The following RAB8B variants were observed in gnomAD, a reference collection of about 807,000 sequenced individuals.
RAB8B encodes the protein RAB8B, member RAS oncogene family.
RAB8B carries 11 observed loss-of-function variants against 32.0 expected under a neutral mutation model. The ratio of observed to expected loss-of-function variants is 0.34; its 90% confidence interval spans 0.22 to 0.57. The LOEUF (loss-of-function observed/expected upper bound fraction) is 0.57, where lower values mean the gene tolerates loss of function less well. Ranked by LOEUF, RAB8B falls within the 20% of genes least tolerant of loss-of-function variation. The pLI, the probability that RAB8B is intolerant of heterozygous loss-of-function variation, is 0.86. For synonymous variants in RAB8B, 103 were observed against 89.6 expected, an observed-to-expected ratio of 1.15 and a Z score of -0.85; for missense variants, 190 against 258.5, an observed-to-expected ratio of 0.73 and a Z score of 1.82.
chr15:63,227,640 A>G (rs1477591069), intron 1 of RAB8B, among the ~76,000 whole-genome samples: 1 of 152,212 alleles, frequency 6.6e-6, no homozygotes, highest in Non-Finnish European at 1.5e-5. Context: ...CCACCCAGGA[A>G]CCCAGAATTC....
chr15:63,193,373 C>G (rs1036354585), intron 1 of RAB8B, among the ~76,000 whole-genome samples: 1 of 152,078 alleles, frequency 6.6e-6, no homozygotes, highest in Non-Finnish European at 1.5e-5. Flanking sequence ...GTATATCTGT[C>G]AATAGTTTAG....
chr15:63,193,642 C>G (rs984619348), intron 1 of RAB8B, among the ~76,000 whole-genome samples: 8 of 151,968 alleles, frequency 5.3e-5, no homozygotes, highest in African/African-American at 1.7e-4. Flanking sequence ...AACCCCGTCT[C>G]TACTAAAAAA....
chr15:63,229,858 A>G (rs1336511969), intron 1 of RAB8B, among the ~76,000 whole-genome samples: 2 of 150,832 alleles, frequency 1.3e-5, no homozygotes, highest in Non-Finnish European at 3.0e-5. Flanking sequence ...TTGGCACCCT[A>G]TAAAGTTAGT....
intron 1 of RAB8B, among the ~76,000 whole-genome samples, chr15:63,226,128 C>CT (rs2037887317): frequency 6.6e-6 from 1 of 152,240 alleles, no homozygotes; most frequent in African/African-American, 2.4e-5. Context: ...GTGTGAGCCA[C>CT]TGTGCCCAGC....
rs2038189099 is a variant in RAB8B at position 63,259,866 on chromosome 15, C to T, written c.480+174C>T. 6.6e-6 allele frequency among the ~76,000 whole-genome samples: 1 copy of T among 151,588 alleles called. No homozygotes were observed. Among genetic ancestry groups the T allele is most frequent in the Admixed American group, 6.6e-5 (1 of 15,254 alleles). ...TTTTTTTTTTTTTGAGATGGAGTCT[C>T]ACTCTGTCGCCAGGCTGGAATGCAG... On this transcript the variant is annotated intron_variant, in intron 6 of 7. Transcript: ENST00000321437. This position sits in a 1 kb window ranked among gnomAD's most constrained non-coding sequence, Gnocchi z 4.4.
intron 1 of RAB8B, among the ~76,000 whole-genome samples, chr15:63,218,152 G>A (rs2043819405): frequency 6.6e-6 from 1 of 151,970 alleles, no homozygotes; most frequent in South Asian, 2.1e-4. Context: ...GCACCAATGG[G>A]AGGTGAAGGT....
chr15:63,247,513 C>G (rs1453796706), intron 2 of RAB8B, among the ~76,000 whole-genome samples: 1 of 151,988 alleles, frequency 6.6e-6, no homozygotes, highest in East Asian at 1.9e-4. Flanking sequence ...TTTTTTTAAC[C>G]TCCTAGAAGC....
At chr15:63,217,439 G>C (rs949596999) in intron 1 of RAB8B, among the ~76,000 whole-genome samples, 3 of 152,252 alleles carry the variant, frequency 2.0e-5, no homozygotes, top group Non-Finnish European at 2.9e-5. Flanking sequence ...CCATGTTTTT[G>C]GGTCAGTGAG....
intron 1 of RAB8B, among the ~76,000 whole-genome samples, chr15:63,196,545 G>A (rs570616446): frequency 6.6e-6 from 1 of 152,224 alleles, no homozygotes; most frequent in South Asian, 2.1e-4. Context: ...AGCTCCTTAA[G>A]GCAAAAATCA....
intron 1 of RAB8B, 128 bp from the exon 2 acceptor site, chr15:63,244,628 C>T (rs1028809022): frequency 2.8e-5 from 20 of 707,298 alleles, no homozygotes; most frequent in Middle Eastern, 2.4e-4. Flanking sequence ...ATACCATTCA[C>T]ACCCTCTCTG....
At chr15:63,209,281 A>C (rs890626869) in intron 1 of RAB8B, among the ~76,000 whole-genome samples, 6 of 151,638 alleles carry the variant, frequency 4.0e-5, no homozygotes, top group African/African-American at 1.5e-4. Context: ...CTGAAATTTT[A>C]GGATGATATT....
At chr15:63,240,204 C>A (rs566773488) in intron 1 of RAB8B, among the ~76,000 whole-genome samples, 1 of 152,208 alleles carries the variant, frequency 6.6e-6, no homozygotes, top group South Asian at 2.1e-4. Flanking sequence ...GGGATTGTTG[C>A]AAGTTAGTCT....
At chr15:63,250,238 ACTC>A (rs2038106347) in intron 3 of RAB8B, among the ~76,000 whole-genome samples, 4 of 151,876 alleles carry the variant, frequency 2.6e-5, no homozygotes, top group Admixed American at 2.6e-4. Context: ...ATGTTCTAGA[ACTC>A]CTCCACACAT....
intron 7 of RAB8B, among the ~76,000 whole-genome samples, 186 bp from the exon 8 acceptor site, chr15:63,263,341 A>G (rs1280302456): frequency 1.3e-5 from 2 of 152,140 alleles, no homozygotes; most frequent in Non-Finnish European, 2.9e-5. Context: ...TCAATTCACC[A>G]TTTCCAAAGA....
Position 63,265,239 on chromosome 15 carries a change from T to C in RAB8B, c.*1620T>C, listed in dbSNP as rs2038236972. 6.6e-6 allele frequency: 1 copy of C among 152,186 alleles called. No individual in the cohort carries two copies. The highest frequency in any genetic ancestry group is 1.5e-5 in the Non-Finnish European group (1 of 68,024). The allele number at this position is 152,186 out of a possible 1,614,324, so 9.4% of individuals were successfully genotyped here. ...AGAGAATTCTCTTCAAATTAAGATA[T>C]GTCATTAGAATGCTTGGACCAGTCA... On this transcript the variant is annotated 3_prime_UTR_variant, in exon 8 of 8. Transcript: ENST00000321437. This position sits in a 1 kb window ranked among gnomAD's most constrained non-coding sequence, Gnocchi z 4.9.
intron 6 of RAB8B, among the ~76,000 whole-genome samples, chr15:63,260,546 A>G (rs2038194092): frequency 6.6e-6 from 1 of 152,104 alleles, no homozygotes; most frequent in African/African-American, 2.4e-5. Flanking sequence ...AAACCATCTA[A>G]AGTCTTATGA....
chr15:63,193,512 C>A (rs570143415), intron 1 of RAB8B, among the ~76,000 whole-genome samples: 1 of 152,234 alleles, frequency 6.6e-6, no homozygotes, highest in Admixed American at 6.5e-5. Context: ...CTTATGTAAT[C>A]ATAATTAACA....
chr15:63,247,100 G>A (rs12101354), intron 2 of RAB8B, among the ~76,000 whole-genome samples: 1 of 152,338 alleles, frequency 6.6e-6, no homozygotes, highest in East Asian at 1.9e-4. Context: ...GGTGCCAGCA[G>A]ATACAGTGTC....
intron 1 of RAB8B, among the ~76,000 whole-genome samples, chr15:63,218,171 T>C (rs2037810120): frequency 6.6e-6 from 1 of 152,170 alleles, no homozygotes; most frequent in Non-Finnish European, 1.5e-5. Context: ...GTTTAAAATA[T>C]AACAGTTGAG....
Sources: gnomAD v4.1 joint callset for allele counts (sites outside exome capture counted in the v4.1 genomes callset) on GRCh38, gnomAD v4.1.1 for gene constraint, Gnocchi (gnomAD v3.1) non-coding constraint, MANE v1.5 for transcripts, NCBI Gene and HGNC (gene_info 2026-07-23, HGNC 2026-07-21) for gene names.